Variants in INSL6 observed in about 807,000 individuals in gnomAD.
The protein encoded by INSL6 is insulin-like peptide INSL6.
INSL6 carries 16 observed loss-of-function variants against 9.4 expected under a neutral mutation model. The ratio of observed to expected loss-of-function variants is 1.70; its 90% CI spans 1.15 to 2.59. INSL6 has a LOEUF of 2.59. Among genes scored for constraint, INSL6 ranks in the 30% most tolerant of loss-of-function variants. The pLI, the probability that INSL6 is intolerant of heterozygous loss-of-function variation, is 0.00. For synonymous variants in INSL6, 154 were observed against 96.9 expected, an observed-to-expected ratio of 1.59 and a Z score of -3.46; for missense variants, 391 against 257.3, an observed-to-expected ratio of 1.52 and a Z score of -3.56.
At chr9:5,022,040 C>G in the INSL6 span, 1 of 1,614,122 alleles carries the variant, frequency 6.2e-7, no homozygotes, top group Admixed American at 1.7e-5. Flanking sequence ...TCCACCTCTT[C>G]TATATATCAG....
the INSL6 span, chr9:5,112,655 C>T: frequency 1.0e-6 from 1 of 982,862 alleles, no homozygotes; most frequent in South Asian, 2.5e-5. Flanking sequence ...GACCAAACTC[C>T]TTATCCTGCA....
At chr9:5,003,387 A>AT in the INSL6 span, among the ~76,000 whole-genome samples, 2 of 151,888 alleles carry the variant, frequency 1.3e-5, no homozygotes, top group African/African-American at 2.4e-5. Context: ...GCTAGCATTT[A>AT]TTTTTTGTAG....
intron 1 of INSL6, among the ~76,000 whole-genome samples, chr9:5,177,314 G>A (rs1205780450): frequency 6.6e-6 from 1 of 152,192 alleles, no homozygotes; most frequent in African/African-American, 2.4e-5. Flanking sequence ...CAAGGAAAGT[G>A]GTGAGTGATT....
At chr9:5,112,569 G>C in the INSL6 span, 1 of 656,934 alleles carries the variant, frequency 1.5e-6, no homozygotes, top group Non-Finnish European at 2.6e-6. Flanking sequence ...CCAGGGAGCG[G>C]CTGCGGGTCC....
the INSL6 span, chr9:5,098,292 T>G: frequency 6.6e-6 from 1 of 152,224 alleles, no homozygotes; most frequent in Non-Finnish European, 1.5e-5. Context: ...GCAAATTCAT[T>G]ACGTAACTTT....
At chr9:5,007,135 G>T in the INSL6 span, among the ~76,000 whole-genome samples, 2 of 151,606 alleles carry the variant, frequency 1.3e-5, no homozygotes, top group Admixed American at 6.6e-5. Context: ...CTGCTCTTAA[G>T]TACTTTCATT....
chr9:5,103,704 C>G, the INSL6 span, among the ~76,000 whole-genome samples: 1 of 152,066 alleles, frequency 6.6e-6, no homozygotes, highest in African/African-American at 2.4e-5. Flanking sequence ...GAACAGATAT[C>G]ACAACAAACT....
At chr9:5,085,357 T>C in the INSL6 span, 2 of 900,736 alleles carry the variant, frequency 2.2e-6, no homozygotes, top group South Asian at 1.3e-5. Flanking sequence ...TTTTCCGTAC[T>C]GATAGGTGAT....
At chr9:5,062,500 T>TAAAAAAAAAAAAAAAAAAAAAAA in the INSL6 span, among the ~76,000 whole-genome samples, 26 of 58,246 alleles carry the variant, frequency 4.5e-4, 3 homozygotes, top group African/African-American at 2.6e-3. Flanking sequence ...CTTCCATTTG[T>TAAAAAAAAAAAAAAAAAAAAAAA]AAAAAAAAAA....
chr9:5,097,597 G>C, the INSL6 span: 2 of 152,028 alleles, frequency 1.3e-5, no homozygotes, highest in Admixed American at 1.3e-4. Flanking sequence ...CATAATTACT[G>C]CTATGCCTAC....
At chr9:5,076,536 T>A in the INSL6 span, among the ~76,000 whole-genome samples, 2 of 152,186 alleles carry the variant, frequency 1.3e-5, no homozygotes, top group African/African-American at 4.8e-5. Context: ...TTGTTTTTTT[T>A]AAGATATAAC....
chr9:5,034,489 T>G, the INSL6 span, among the ~76,000 whole-genome samples: 2 of 152,000 alleles, frequency 1.3e-5, no homozygotes, highest in Admixed American at 6.6e-5. Context: ...TAGTTGGAAG[T>G]AAAGCACTCC....
Position 5,185,606 on chromosome 9 carries a change from T to C in INSL6, c.-4A>G, listed in dbSNP as rs200067260. ...ACAAGCGGAGGAGCCGCGGCATCCCTGTGACCCCAGGCTAGTCCTCCGCGT... is the reference window on the plus strand; with the variant it reads ...ACAAGCGGAGGAGCCGCGGCATCCCCGTGACCCCAGGCTAGTCCTCCGCGT... On this transcript the variant is annotated 5_prime_UTR_variant, in exon 1 of 2. Transcript: ENST00000381641. 2.1e-5 allele frequency: 34 copies of C among 1,609,816 alleles called. No homozygotes were observed. The highest frequency in any genetic ancestry group is 8.4e-5 in the Admixed American group (5 of 59,562).
the INSL6 span, chr9:5,086,076 A>C: frequency 3.0e-6 from 2 of 665,102 alleles, no homozygotes; most frequent in South Asian, 3.0e-5. Flanking sequence ...TATCTGAGAC[A>C]AGTCAAGTCC....
downstream of INSL6, among the ~76,000 whole-genome samples, chr9:5,163,596 A>G (rs1348556639): frequency 1.3e-5 from 2 of 151,718 alleles, no homozygotes; most frequent in African/African-American, 4.8e-5. Flanking sequence ...GATGGAAAGC[A>G]GAAGGTTCCA....
chr9:5,146,327 A>C (rs1824601886), intron 2 of INSL6, among the ~76,000 whole-genome samples: 1 of 152,134 alleles, frequency 6.6e-6, no homozygotes, highest in Non-Finnish European at 1.5e-5. Flanking sequence ...TGGGTAGACC[A>C]AGGTGTGGCA....
intron 1 of INSL6, among the ~76,000 whole-genome samples, chr9:5,168,171 C>G (rs1825096645): frequency 6.6e-6 from 1 of 152,136 alleles, no homozygotes; most frequent in Non-Finnish European, 1.5e-5. Flanking sequence ...TGCCTCTTCT[C>G]CAAATGATCG....
At chr9:5,050,565 C>T in the INSL6 span, 1 of 1,019,926 alleles carries the variant, frequency 9.8e-7, no homozygotes, top group Non-Finnish European at 1.4e-6. Flanking sequence ...GCCACTGAGC[C>T]TGGCCAATTT....
At chr9:5,014,421 G>T in the INSL6 span, among the ~76,000 whole-genome samples, 1 of 151,992 alleles carries the variant, frequency 6.6e-6, no homozygotes, top group Non-Finnish European at 1.5e-5. Flanking sequence ...GAGTATCCTA[G>T]GCACTGAGTG....
Sources: allele counts gnomAD v4.1 joint callset (sites outside exome capture counted in the v4.1 genomes callset), GRCh38; gene constraint gnomAD v4.1.1; transcripts MANE v1.5; gene names NCBI Gene and HGNC (gene_info 2026-07-23, HGNC 2026-07-21).